RSRC1: variants seen among roughly 807,000 people sequenced by gnomAD.
The protein encoded by RSRC1 is arginine and serine rich coiled-coil 1, also known as serine/Arginine-related protein 53.
In RSRC1, 39 loss-of-function variants were observed where a neutral mutation model predicts 49.1. That is an observed-to-expected ratio of 0.79 (90% confidence interval 0.61 to 1.04). The LOEUF is 1.04. Among genes scored for constraint, RSRC1 ranks in the 50% least tolerant of loss-of-function variants. RSRC1 has a pLI of 0.00. For missense variants in RSRC1, 388 were observed against 402.4 expected (o/e 0.96, Z 0.31); for synonymous variants, 143 against 130.8 (o/e 1.09, Z -0.63).
intron 7 of RSRC1, among the ~76,000 whole-genome samples, chr3:158,520,299 G>C (rs939148485): frequency 2.6e-5 from 4 of 152,118 alleles, no homozygotes; most frequent in Admixed American, 2.6e-4. Context: ...TGACTAGACA[G>C]ACACAAAGAA....
chr3:158,535,580 G>A (rs564298595), intron 7 of RSRC1, among the ~76,000 whole-genome samples: 14 of 151,344 alleles, frequency 9.3e-5, no homozygotes, highest in African/African-American at 2.9e-4. Flanking sequence ...TAAAGAGCCT[G>A]GATTCTTTGG....
At position 158,131,391 on chromosome 3, in the gene RSRC1, A is replaced by AT. The variant is rs529652121; in HGVS notation, c.320+7407dup. Among the ~76,000 whole-genome samples, 475 of 151,632 alleles carry AT rather than the reference A, an allele frequency of 3.1e-3. 8 individuals carry two copies. The highest frequency in any genetic ancestry group is 3.4e-4 in the Non-Finnish European group (23 of 67,868). ...TTTTTTGGTTGTCACTTATCTCTTG[A>AT]TTTTTTTGTCTGACTTTGTTAGTCA... On this transcript the variant is annotated intron_variant, in intron 3 of 9. Coordinates refer to ENST00000611884, the MANE Select transcript of RSRC1 (RefSeq NM_001271838.2).
At chr3:158,370,424 A>C (rs983938620) in intron 6 of RSRC1, among the ~76,000 whole-genome samples, 4 of 151,954 alleles carry the variant, frequency 2.6e-5, no homozygotes, top group African/African-American at 9.7e-5. Flanking sequence ...CTCTCTCCCT[A>C]TTCCTGGACC....
intron 7 of RSRC1, among the ~76,000 whole-genome samples, chr3:158,506,677 T>C (rs1739874834): frequency 6.6e-6 from 1 of 151,504 alleles, no homozygotes; most frequent in Admixed American, 6.6e-5. Context: ...AAATTAGTGG[T>C]TGCTGGCAAG....
intron 3 of RSRC1, among the ~76,000 whole-genome samples, chr3:158,166,693 T>G (rs1315874942): frequency 6.6e-6 from 1 of 152,198 alleles, no homozygotes. Context: ...AGGAACTGAC[T>G]TAATTACTGT....
chr3:158,330,633 C>A (rs1729490222), intron 5 of RSRC1, among the ~76,000 whole-genome samples: 1 of 152,030 alleles, frequency 6.6e-6, no homozygotes, highest in Non-Finnish European at 1.5e-5. Context: ...GATCTTTGCT[C>A]TTCTAAGGAA....
At chr3:158,354,097 TCTC>T (rs1194839531) in intron 5 of RSRC1, among the ~76,000 whole-genome samples, 1 of 144,852 alleles carries the variant, frequency 6.9e-6, no homozygotes, top group Non-Finnish European at 1.5e-5. Context: ...TTCAAGCAAT[TCTC>T]CTGCCTCAGC....
chr3:158,513,566 C>T (rs373915850), intron 7 of RSRC1, among the ~76,000 whole-genome samples: 7,858 of 152,080 alleles, frequency 0.052, 288 homozygotes, highest in Middle Eastern at 0.082. Flanking sequence ...AGGATATTGG[C>T]CTAAAATTCT....
intron 4 of RSRC1, among the ~76,000 whole-genome samples, chr3:158,204,844 G>A (rs1321594155): frequency 6.6e-6 from 1 of 152,022 alleles, no homozygotes; most frequent in Non-Finnish European, 1.5e-5. Context: ...TAATACTTGT[G>A]TAATTGCATA....
intron 7 of RSRC1, among the ~76,000 whole-genome samples, chr3:158,494,197 C>G (rs563699001): frequency 6.6e-6 from 1 of 152,282 alleles, no homozygotes; most frequent in South Asian, 2.1e-4. Context: ...CACACCTCAA[C>G]TATATGGTAT....
chr3:158,167,261 A>C (rs1718592984), intron 3 of RSRC1, among the ~76,000 whole-genome samples: 1 of 152,034 alleles, frequency 6.6e-6, no homozygotes. Context: ...ATCTCGGCTC[A>C]CTGCAACCTC....
chr3:158,345,374 C>T (rs1166825808), intron 5 of RSRC1, among the ~76,000 whole-genome samples: 2 of 152,062 alleles, frequency 1.3e-5, no homozygotes, highest in Non-Finnish European at 2.9e-5. Flanking sequence ...GATCCAACTA[C>T]ATGCTGCTTA....
intron 7 of RSRC1, among the ~76,000 whole-genome samples, chr3:158,513,070 A>G (rs1340604444): frequency 4.2e-5 from 6 of 142,160 alleles, no homozygotes; most frequent in African/African-American, 1.3e-4. Context: ...AACAGGGACA[A>G]TTTGACTTCC....
chr3:158,217,762 GT>G (rs1423033568), intron 4 of RSRC1, among the ~76,000 whole-genome samples: 1 of 115,132 alleles, frequency 8.7e-6, no homozygotes, highest in African/African-American at 3.2e-5. Context: ...GTGTGTGTGT[GT>G]GTGGGGGGGG....
intron 7 of RSRC1, among the ~76,000 whole-genome samples, chr3:158,536,337 T>A (rs1165613459): frequency 1.3e-5 from 2 of 151,450 alleles, no homozygotes; most frequent in Non-Finnish European, 3.0e-5. Context: ...GATACATGAT[T>A]CAGATTCTTC....
At chr3:158,127,756 G>GTTTTTT (rs34766107) in intron 3 of RSRC1, among the ~76,000 whole-genome samples, 3 of 81,256 alleles carry the variant, frequency 3.7e-5, no homozygotes, top group African/African-American at 5.1e-5. Flanking sequence ...CTGCTTTGTG[G>GTTTTTT]TTTTTTTTTT....
chr3:158,146,829 G>T (rs7629021), intron 3 of RSRC1, among the ~76,000 whole-genome samples: 90,063 of 151,916 alleles, frequency 0.59, 26,956 homozygotes, highest in East Asian at 0.71. Context: ...TCTATTCAGA[G>T]ATTTAGCTTC....
rs1318453388 is a variant in RSRC1 at position 158,278,791 on chromosome 3, CAG to C, written c.495-19246_495-19245del. Among the ~76,000 whole-genome samples, 10 of 152,314 alleles carry C rather than the reference CAG, an allele frequency of 6.6e-5. No individual in the cohort carries two copies. The South Asian group carries it at 1.0e-3, about 16-fold the overall frequency. On this transcript the variant is annotated intron_variant, in intron 4 of 9. Transcript: ENST00000611884. ...TTGATTGGTTGACAAATACAACACT[CAG>C]AAACTCATTTTTATTTTTTTATTTT...
chr3:158,276,181 A>C lies in RSRC1; in HGVS notation c.495-21858A>C, dbSNP rs1254361266. On this transcript the variant is annotated intron_variant, in intron 4 of 9. Transcript: ENST00000611884. ...ACACCATGATGGACAGGCTTGCCATATGTTGCACCCTTAGGAACTGGGCAT... is the reference window on the plus strand; with the variant it reads ...ACACCATGATGGACAGGCTTGCCATCTGTTGCACCCTTAGGAACTGGGCAT... 14 of 856,688 alleles carry C rather than the reference A, an allele frequency of 1.6e-5. 1 individual carries two copies. Among genetic ancestry groups the C allele is most frequent in the Non-Finnish European group, 2.8e-5 (14 of 503,866 alleles). The allele number at this position is 856,688 out of a possible 1,614,324, so 53.1% of individuals were successfully genotyped here. A position where few individuals can be genotyped will look rare whatever the true frequency, so the allele number is the denominator to read the frequency against.
Sources: gnomAD v4.1 joint callset for allele counts (sites outside exome capture counted in the v4.1 genomes callset) on GRCh38, gnomAD v4.1.1 for gene constraint, MANE v1.5 for transcripts, NCBI Gene and HGNC (gene_info 2026-07-23, HGNC 2026-07-21) for gene names.